TLE1: variants seen among roughly 807,000 people sequenced by gnomAD.
TLE1 encodes transducin-like enhancer protein 1.
A neutral mutation model predicts 89.8 loss-of-function variants in TLE1; 21 were observed. The ratio of observed to expected loss-of-function variants is 0.23; its 90% confidence interval spans 0.17 to 0.34. The LOEUF (loss-of-function observed/expected upper bound fraction) is 0.34. TLE1 is among the 10% of genes least tolerant of loss of function. The pLI is 1.00. For synonymous variants in TLE1, 447 were observed against 407.6 expected (o/e 1.10, Z -1.16); for missense variants, 795 against 1,031.2 (o/e 0.77, Z 3.14).
chr9:81,660,180 C>T (rs2796450), intron 4 of TLE1, among the ~76,000 whole-genome samples: 136,980 of 152,002 alleles, frequency 0.9, 61,740 homozygotes, highest in Admixed American at 0.91. Context: ...ATTTCTTTGC[C>T]GTACCTCCCC....
At chr9:81,669,122 A>C (rs1188807821) in intron 4 of TLE1, among the ~76,000 whole-genome samples, 1 of 152,182 alleles carries the variant, frequency 6.6e-6, no homozygotes, top group Non-Finnish European at 1.5e-5. Flanking sequence ...GGAAGAACAG[A>C]AAAGACTTCC....
chr9:81,677,243 C>CT (rs1011696004), intron 4 of TLE1, among the ~76,000 whole-genome samples: 3 of 145,488 alleles, frequency 2.1e-5, no homozygotes, highest in East Asian at 2.1e-4. Context: ...TCTTCCCCCC[C>CT]CCAAAAAAAA....
In TLE1 at chr9:81,686,026, C is replaced by A. The variant is rs1171502738; in HGVS notation, c.126-130G>T. On this transcript the variant is annotated intron_variant, in intron 2 of 19. Transcript: ENST00000376499. ...AGCCATAAACTATCTAGGTAAACACCCAAAAGCTTTGTCCTTGCATTTAAT... is the reference window on the plus strand; with the variant it reads ...AGCCATAAACTATCTAGGTAAACACACAAAAGCTTTGTCCTTGCATTTAAT... The A allele has an allele frequency of 3.4e-6, 3 of 881,210 alleles. No individual in the cohort carries two copies. The African/African-American group carries it at 5.1e-5, about 15-fold the overall frequency. The allele number at this position is 881,210 out of a possible 1,614,324, so 54.6% of individuals were successfully genotyped here.
intron 9 of TLE1, among the ~76,000 whole-genome samples, chr9:81,619,383 T>C (rs1824952538): frequency 1.3e-5 from 2 of 152,192 alleles, no homozygotes; most frequent in African/African-American, 4.8e-5. Flanking sequence ...AGAGCAGAGA[T>C]ACTACAGCTG....
intron 4 of TLE1, among the ~76,000 whole-genome samples, chr9:81,681,905 G>A (rs1303656335): frequency 1.3e-5 from 2 of 152,094 alleles, no homozygotes; most frequent in African/African-American, 4.8e-5. Context: ...GCACTAGGGA[G>A]ACATGGTCCA....
intron 6 of TLE1, among the ~76,000 whole-genome samples, chr9:81,639,578 TTTTTTTTTTG>T (rs1827838151): frequency 6.7e-6 from 1 of 149,630 alleles, no homozygotes; most frequent in South Asian, 2.2e-4. Flanking sequence ...AAAAGTTGTT[TTTTTTTTTTG>T]TTTTTTTTTT....
intron 8 of TLE1, among the ~76,000 whole-genome samples, chr9:81,630,656 C>T (rs1027864357): frequency 2.0e-5 from 3 of 152,296 alleles, no homozygotes; most frequent in Middle Eastern, 6.8e-3. Flanking sequence ...TAGCAACCAC[C>T]CTTAACCTTT....
At chr9:81,610,110 A>C (rs1229320762) in intron 14 of TLE1, 110 bp downstream of exon 14, 1 of 932,382 alleles carries the variant, frequency 1.1e-6, no homozygotes, top group Non-Finnish European at 1.7e-6. Flanking sequence ...AGACACCAGA[A>C]ATCTCCTTGG....
At chr9:81,596,693 A>G (rs1244923281) in intron 14 of TLE1, among the ~76,000 whole-genome samples, 1 of 152,214 alleles carries the variant, frequency 6.6e-6, no homozygotes, top group Non-Finnish European at 1.5e-5. Flanking sequence ...TGGACATGGA[A>G]ATGACCGCAT....
rs1415476099 is a variant in TLE1 at position 81,584,476 on chromosome 9, C to T, written c.2177G>A (p.Arg726Gln). Residue 726 changes from arginine to glutamine, a missense_variant, in exon 19 of 20, where the codon CGG (arginine) becomes CAG (glutamine). By Grantham distance (43) the Arg-to-Gln change is conservative. Around this residue, in one of 4 missense-constraint regions of TLE1, gnomAD observed 214 missense variants for 354.9 expected, o/e 0.60. Transcript: ENST00000376499. Reference protein sequence around the residue: ...TGKDNLLNAWRTPYGASIFQS... With the variant: ...TGKDNLLNAWQTPYGASIFQS... ...GAATATGCTGGCTCCATAGGGGGTC[C>T]GCCAAGCATTGAGGAGGTTATCTTT... 6 of 1,614,016 alleles carry T rather than the reference C, an allele frequency of 3.7e-6. No individual in the cohort carries two copies. The highest frequency in any genetic ancestry group is 5.1e-6 in the Non-Finnish European group (6 of 1,180,038).
intron 16 of TLE1, among the ~76,000 whole-genome samples, chr9:81,589,372 C>G (rs1020707438): frequency 2.0e-5 from 3 of 152,298 alleles, no homozygotes; most frequent in African/African-American, 7.2e-5. Flanking sequence ...TATGACTGTT[C>G]AGAACGTGCT....
At chr9:81,586,890 T>A (rs2131746542) in intron 17 of TLE1, among the ~76,000 whole-genome samples, 1 of 152,298 alleles carries the variant, frequency 6.6e-6, no homozygotes, top group East Asian at 1.9e-4. Flanking sequence ...AATATGAAAT[T>A]TAGAAGTATA....
At chr9:81,618,614 C>T (rs2132153377) in intron 9 of TLE1, among the ~76,000 whole-genome samples, 1 of 152,246 alleles carries the variant, frequency 6.6e-6, no homozygotes. Flanking sequence ...AAAACTAATA[C>T]TAACGAAAAT....
In TLE1 at chr9:81,689,030, A is replaced by G. The variant is rs1415829576; in HGVS notation, c.-790T>C. Reference sequence around the variant, plus strand: ...CTACTCCACCGAGAGCAGTCCCGCAAGTGCCCAATGCTCCTCGAGCCCGGG... The same window carrying G: ...CTACTCCACCGAGAGCAGTCCCGCAGGTGCCCAATGCTCCTCGAGCCCGGG... On this transcript the variant is annotated 5_prime_UTR_variant, in exon 1 of 20. Coordinates refer to ENST00000376499, the MANE Select transcript of TLE1 (RefSeq NM_005077.5). The G allele has an allele frequency of 1.3e-5, 2 of 151,900 alleles. No homozygotes were observed. The highest frequency in any genetic ancestry group is 2.9e-5 in the Non-Finnish European group (2 of 68,020). 9.4% of individuals were successfully genotyped at this position (151,900 alleles called of 1,614,324 possible).
chr9:81,673,201 A>C (rs1832447115), intron 4 of TLE1, among the ~76,000 whole-genome samples: 2 of 136,890 alleles, frequency 1.5e-5, no homozygotes, highest in African/African-American at 5.4e-5. Context: ...TGAACCTGGG[A>C]GGTGGAGGTT....
At chr9:81,673,381 C>T (rs1306848433) in intron 4 of TLE1, among the ~76,000 whole-genome samples, 1 of 145,782 alleles carries the variant, frequency 6.9e-6, no homozygotes, top group African/African-American at 2.6e-5. Context: ...AAATAAAACA[C>T]GGTAATGGGA....
chr9:81,597,260 G>A (rs1830344348), intron 14 of TLE1, among the ~76,000 whole-genome samples: 1 of 151,800 alleles, frequency 6.6e-6, no homozygotes, highest in South Asian at 2.1e-4. Context: ...TGACAGTATT[G>A]TTATCGCACC....
In TLE1 at chr9:81,613,584, T is replaced by C. The variant is rs570229656; in HGVS notation, c.919-63A>G. On this transcript the variant is annotated intron_variant, in intron 11 of 19. Transcript: ENST00000376499. ...AATCCAAGCCATATTACACAATTTA[T>C]CACAACAGCAGCTGGGACACTGGGC... 4.2e-5 allele frequency: 67 copies of C among 1,580,302 alleles called. No individual in the cohort carries two copies. The African/African-American group carries it at 7.5e-4, about 18-fold the overall frequency.
intron 15 of TLE1, among the ~76,000 whole-genome samples, chr9:81,591,307 A>G (rs2796467): frequency 0.26 from 39,243 of 152,094 alleles, 5,779 homozygotes; most frequent in Middle Eastern, 0.48. Flanking sequence ...TCTAGGTATG[A>G]GGTACAGGTG....
Sources: allele counts gnomAD v4.1 joint callset (sites outside exome capture counted in the v4.1 genomes callset), GRCh38; gene constraint gnomAD v4.1.1; regional missense constraint gnomAD v4.1.1; transcripts MANE v1.5; gene names NCBI Gene and HGNC (gene_info 2026-07-23, HGNC 2026-07-21).